TSEN34: variants seen among roughly 807,000 people sequenced by gnomAD.
The protein encoded by TSEN34 is tRNA-splicing endonuclease subunit Sen34.
In TSEN34, 25 loss-of-function variants were observed where a neutral mutation model predicts 30.2. The ratio of observed to expected loss-of-function variants is 0.83; its 90% CI spans 0.60 to 1.16. The LOEUF (loss-of-function observed/expected upper bound fraction) is 1.16. Among genes scored for constraint, TSEN34 ranks in the 50% most tolerant of loss-of-function variants. The pLI is 0.00. For missense variants in TSEN34, 475 were observed against 411.9 expected, an observed-to-expected ratio of 1.15 and a Z score of -1.33; for synonymous variants, 209 against 177.4, an observed-to-expected ratio of 1.18 and a Z score of -1.41.
upstream of TSEN34, chr19:54,190,902 A>C (rs577192012): frequency 2.1e-4 from 224 of 1,047,162 alleles, no homozygotes; most frequent in African/African-American, 2.5e-3. Context: ...CTTAGCCTCC[A>C]GAGCTTCTGA....
At chr19:54,193,114 T>C in intron 3 of TSEN34, 61 bp from the exon 4 acceptor site, 1 of 1,610,238 alleles carries the variant, frequency 6.2e-7, no homozygotes. Flanking sequence ...CAGTGGTCGT[T>C]CCCGTGGCGT....
intron 2 of TSEN34, 26 bp from the exon 3 acceptor site, chr19:54,192,090 A>G: frequency 6.2e-7 from 1 of 1,614,150 alleles, no homozygotes; most frequent in South Asian, 1.1e-5. Context: ...TGAATTTACC[A>G]AACTCTTCTC....
chr19:54,189,499 GCC>G (rs1310911262), upstream of TSEN34: 1 of 152,606 alleles, frequency 6.6e-6, no homozygotes, highest in Non-Finnish European at 1.5e-5. Flanking sequence ...CACGGTCAGG[GCC>G]CCGGGCGGGC....
rs377699373 is a variant in TSEN34, at chr19:54,193,367, C to T, written c.*5C>T. On this transcript the variant is annotated 3_prime_UTR_variant, in exon 4 of 4. Transcript: ENST00000396388. ...CAATGGGCCAGCCTGCAGTGAACTC[C>T]AGAGACCTAGGGGATGTGGCTGTGT... 3.7e-6 allele frequency: 6 copies of T among 1,614,036 alleles called. No homozygotes were observed. In the African/African-American group the frequency reaches 6.7e-5, roughly 18 times the overall value.
upstream of TSEN34, chr19:54,190,100 G>A (rs2076606266): frequency 5.6e-6 from 3 of 535,708 alleles, no homozygotes; most frequent in Admixed American, 3.7e-5. Context: ...GTGCGCCTAC[G>A]GGACCGGGCC....
chr19:54,192,860 C>T (rs1410612821), intron 3 of TSEN34, among the ~76,000 whole-genome samples: 1 of 152,066 alleles, frequency 6.6e-6, no homozygotes, highest in African/African-American at 2.4e-5. Flanking sequence ...CTAAAACTAA[C>T]TGGGCGTGGT....
intron 3 of TSEN34, 129 bp from the exon 4 acceptor site, chr19:54,193,046 A>C: frequency 8.0e-7 from 1 of 1,252,762 alleles, no homozygotes; most frequent in Non-Finnish European, 1.1e-6. Context: ...AGTTGTGTCC[A>C]AGAGCATCTG....
At position 54,192,371 on chromosome 19, in the gene TSEN34, C is replaced by T. The variant is rs757299512; in HGVS notation, c.743C>T (p.Pro248Leu). The change falls in exon 3 of 4, where the codon CCT becomes CTT. Residue 248 changes from proline (P) to leucine (L), a missense_variant and splice_region_variant. Coordinates refer to ENST00000396388, the MANE Select transcript of TSEN34 (RefSeq NM_001077446.4). ...TTCGGAGGTGACTTCCTGGTCTATC[C>T]TGGTGAGTATGGGTTGGGGCCTCTG... ...GKFGGDFLVYPGDPLRFHAHY... is the reference protein window; with the variant it reads ...GKFGGDFLVYLGDPLRFHAHY... 2 of 1,614,114 alleles carry T rather than the reference C, an allele frequency of 1.2e-6. No homozygotes were observed. Among genetic ancestry groups the T allele is most frequent in the East Asian group, 2.2e-5 (1 of 44,876 alleles).
chr19:54,190,494 G>C, upstream of TSEN34: 4 of 1,378,850 alleles, frequency 2.9e-6, no homozygotes, highest in Non-Finnish European at 3.8e-6. Flanking sequence ...TGTCCAGGGG[G>C]CGGGGCTTTC....
rs1281000264 is a variant in TSEN34, at chr19:54,194,231, ATATATATAT to A, written c.*873_*881del. 2 of 151,900 alleles carry A rather than the reference ATATATATAT, an allele frequency of 1.3e-5. No individual in the cohort carries two copies. Among genetic ancestry groups the A allele is most frequent in the Non-Finnish European group, 2.9e-5 (2 of 68,032 alleles). 9.4% of individuals were successfully genotyped at this position (151,900 alleles called of 1,614,324 possible). ...TATGTATATATATGTGTGTGTATAT[ATATATATAT>A]TATGAAAGGAAATGAGTATTGTAAT... On this transcript the variant is annotated 3_prime_UTR_variant, in exon 4 of 4. Coordinates refer to ENST00000396388, the MANE Select transcript of TSEN34 (RefSeq NM_001077446.4).
rs1386705470 is a variant in TSEN34 at position 54,194,126 on chromosome 19, C to G, written c.*764C>G. 1 of 169,654 alleles carries G rather than the reference C, an allele frequency of 5.9e-6. No individual in the cohort carries two copies. Among genetic ancestry groups the G allele is most frequent in the East Asian group, 1.7e-4 (1 of 6,002 alleles). The allele number at this position is 169,654 out of a possible 1,614,324, so 10.5% of individuals were successfully genotyped here. Reference sequence around the variant, plus strand: ...TGAGCTGTGATTGCACCACTGCCCTCCAGCCTGGGAGACAGAGCAAGAACC... The same window carrying G: ...TGAGCTGTGATTGCACCACTGCCCTGCAGCCTGGGAGACAGAGCAAGAACC... On this transcript the variant is annotated 3_prime_UTR_variant, in exon 4 of 4. Coordinates refer to ENST00000396388, the MANE Select transcript of TSEN34 (RefSeq NM_001077446.4).
rs764792047 is a variant in TSEN34, at chr19:54,192,366, C to G, written c.738C>G (p.Val246=). 6.2e-7 allele frequency: 1 copy of G among 1,614,086 alleles called. No homozygotes were observed. ...AAGKFGGDFL[V]YPGDPLRFHA... ...GCAAGTTCGGAGGTGACTTCCTGGT[C>G]TATCCTGGTGAGTATGGGTTGGGGC... The change falls in exon 3 of 4, where the codon GTC becomes GTG. Residue 246 remains valine, a synonymous_variant. Coordinates refer to ENST00000396388, the MANE Select transcript of TSEN34 (RefSeq NM_001077446.4).
upstream of TSEN34, chr19:54,191,054 G>A: frequency 1.6e-6 from 2 of 1,258,524 alleles, no homozygotes; most frequent in Non-Finnish European, 2.0e-6. Flanking sequence ...ACGGCAGTGC[G>A]GGCACAGAGC....
chr19:54,191,102 C>T (rs1260021477), upstream of TSEN34: 11 of 1,336,578 alleles, frequency 8.2e-6, no homozygotes, highest in African/African-American at 4.7e-5. Flanking sequence ...AGAGCGGGAC[C>T]CTGGGGGCTT....
At position 54,192,157 on chromosome 19, in the gene TSEN34, C is replaced by G. The variant is rs765703921; in HGVS notation, c.529C>G (p.Pro177Ala). The change falls in exon 3 of 4, where the codon CCC becomes GCC. Residue 177 changes from proline (P) to alanine (A), a missense_variant. By Grantham distance (27) the Pro-to-Ala change is conservative (BLOSUM62 -1). Coordinates refer to ENST00000396388, the MANE Select transcript of TSEN34 (RefSeq NM_001077446.4). ...AGCAGGACCCTCAAATGGGGTAGCC[C>G]CCTTGCCCAGATCTGCTCTCCTTGT... ...SQAGPSNGVA[P>A]LPRSALLVQL... 3 of 1,614,084 alleles carry G rather than the reference C, an allele frequency of 1.9e-6. No individual in the cohort carries two copies. Among genetic ancestry groups the G allele is most frequent in the African/African-American group, 2.7e-5 (2 of 74,940 alleles).
upstream of TSEN34, chr19:54,190,560 C>T (rs999372525): frequency 8.2e-7 from 1 of 1,220,966 alleles, no homozygotes; most frequent in Non-Finnish European, 1.0e-6. Context: ...CGCTGGCGCT[C>T]GGAGGGGGCG....
At chr19:54,190,346 C>T, upstream of TSEN34, 1 of 1,529,592 alleles carries the variant, frequency 6.5e-7, no homozygotes, top group Non-Finnish European at 8.8e-7. Context: ...GTGGCTCCAC[C>T]TCGACTGCGA....
upstream of TSEN34, chr19:54,190,064 A>T: frequency 3.9e-6 from 2 of 507,734 alleles, no homozygotes; most frequent in South Asian, 4.9e-5. Flanking sequence ...ACTTGCCCTC[A>T]AAGGGGCGGA....
upstream of TSEN34, chr19:54,190,178 C>A (rs2076610274): frequency 3.4e-6 from 2 of 591,434 alleles, no homozygotes; most frequent in South Asian, 1.9e-5. Flanking sequence ...CTCAGTGGGG[C>A]GGAGCCAAGG....
Sources: gnomAD v4.1 joint callset for allele counts (sites outside exome capture counted in the v4.1 genomes callset) on GRCh38, gnomAD v4.1.1 for gene constraint, MANE v1.5 for transcripts, NCBI Gene and HGNC (gene_info 2026-07-23, HGNC 2026-07-21) for gene names.